The following TBC1D22A variants were observed in gnomAD, a reference collection of about 807,000 sequenced individuals.
TBC1D22A encodes putative GTPase activator.
A neutral mutation model predicts 60.2 loss-of-function variants in TBC1D22A; 38 were observed. The ratio of observed to expected loss-of-function variants is 0.63; its 90% CI spans 0.49 to 0.83. The LOEUF (loss-of-function observed/expected upper bound fraction) is 0.83, where lower values mean the gene tolerates loss of function less well. Among genes scored for constraint, TBC1D22A ranks in the 40% least tolerant of loss-of-function variants. TBC1D22A has a pLI of 0.00. For synonymous variants in TBC1D22A, 302 were observed against 281.7 expected (o/e 1.07, Z -0.72); for missense variants, 628 against 701.0 (o/e 0.90, Z 1.18).
chr22:46,823,961 A>G (rs1240600190), intron 4 of TBC1D22A, among the ~76,000 whole-genome samples: 1 of 152,234 alleles, frequency 6.6e-6, no homozygotes, highest in Non-Finnish European at 1.5e-5. Flanking sequence ...ACCCAGGGCG[A>G]CAGTGCCAGC....
intron 4 of TBC1D22A, among the ~76,000 whole-genome samples, chr22:46,864,669 T>A (rs9306518): frequency 0.4 from 61,083 of 152,058 alleles, 12,321 homozygotes; most frequent in Non-Finnish European, 0.41. Flanking sequence ...TTCAGAAAGT[T>A]AATTATTCCA....
chr22:47,147,629 G>A lies in TBC1D22A; in HGVS notation c.1426-25869G>A, dbSNP rs139079329. ...GCATTTGGCCTTCTTCCATCCATAC[G>A]TTGGTCGCACACAGAGCATTTGCGT... is the stretch of plus-strand genomic sequence containing the variant. On this transcript the variant is annotated intron_variant, in intron 12 of 12. Coordinates refer to ENST00000337137, the MANE Select transcript of TBC1D22A (RefSeq NM_014346.5). Among the ~76,000 whole-genome samples the A allele has an allele frequency of 5.3e-5, 8 of 152,338 alleles. No individual in the cohort carries two copies. The South Asian group carries it at 1.2e-3, about 24-fold the overall frequency.
At chr22:46,823,926 C>G (rs2085937239) in intron 4 of TBC1D22A, among the ~76,000 whole-genome samples, 1 of 152,178 alleles carries the variant, frequency 6.6e-6, no homozygotes, top group Admixed American at 6.5e-5. Flanking sequence ...TCAGATGATG[C>G]AGGACCATGG....
intron 9 of TBC1D22A, among the ~76,000 whole-genome samples, chr22:46,977,581 G>A (rs1031151893): frequency 1.3e-5 from 2 of 152,194 alleles, no homozygotes; most frequent in Admixed American, 6.5e-5. Context: ...CCCTGGAAAC[G>A]TTAGGTGATT....
At chr22:47,079,136 G>A (rs1206918188) in intron 11 of TBC1D22A, among the ~76,000 whole-genome samples, 1 of 146,232 alleles carries the variant, frequency 6.8e-6, no homozygotes, top group African/African-American at 2.5e-5. Flanking sequence ...ACCCAGGCTG[G>A]TGTGCAGTGG....
At chr22:46,888,405 A>G (rs2068227228) in intron 5 of TBC1D22A, among the ~76,000 whole-genome samples, 1 of 152,240 alleles carries the variant, frequency 6.6e-6, no homozygotes, top group South Asian at 2.1e-4. Context: ...AACACTTTCA[A>G]AGGCTAAAAG....
At chr22:47,021,093 C>T (rs972619273) in intron 10 of TBC1D22A, among the ~76,000 whole-genome samples, 1 of 152,198 alleles carries the variant, frequency 6.6e-6, no homozygotes, top group Non-Finnish European at 1.5e-5. Context: ...GATGAGGATG[C>T]AGGCCTGATG....
At chr22:46,941,508 T>TAC (rs1252306063) in intron 8 of TBC1D22A, among the ~76,000 whole-genome samples, 8 of 143,876 alleles carry the variant, frequency 5.6e-5, no homozygotes, top group African/African-American at 1.8e-4. Flanking sequence ...GGAATATATA[T>TAC]ACGGAATATA....
chr22:47,063,963 CTGCA>C (rs2063672503), intron 11 of TBC1D22A, among the ~76,000 whole-genome samples: 1 of 49,284 alleles, frequency 2.0e-5, no homozygotes, highest in Non-Finnish European at 3.5e-5. Flanking sequence ...CTCCTCTGAA[CTGCA>C]TCTTCAGGTG....
chr22:47,138,095 G>T (rs1040410073), intron 12 of TBC1D22A, among the ~76,000 whole-genome samples: 2 of 152,152 alleles, frequency 1.3e-5, no homozygotes, highest in Non-Finnish European at 2.9e-5. Context: ...CAGAGGCTCC[G>T]GCACTCATGG....
chr22:47,155,082 T>C (rs2067657578), intron 12 of TBC1D22A, among the ~76,000 whole-genome samples: 1 of 152,190 alleles, frequency 6.6e-6, no homozygotes, highest in African/African-American at 2.4e-5. Context: ...TGCAGTGTCC[T>C]CTGTGTGTTG....
chr22:46,883,038 G>A (rs1284862099), intron 5 of TBC1D22A, among the ~76,000 whole-genome samples: 2 of 152,216 alleles, frequency 1.3e-5, no homozygotes, highest in South Asian at 4.1e-4. Flanking sequence ...TTTTATGCAA[G>A]CAGGGTAGTA....
intron 8 of TBC1D22A, among the ~76,000 whole-genome samples, chr22:46,931,821 T>TTCTCCATTCCTGGCTGC (rs2071367949): frequency 6.6e-6 from 1 of 152,258 alleles, no homozygotes; most frequent in African/African-American, 2.4e-5. Flanking sequence ...TCGTGTAGTT[T>TTCTCCATTCCTGGCTGC]TCTCCATTCC....
intron 12 of TBC1D22A, among the ~76,000 whole-genome samples, chr22:47,171,750 TG>T (rs578197095): frequency 6.6e-6 from 1 of 152,004 alleles, no homozygotes; most frequent in African/African-American, 2.4e-5. Flanking sequence ...GCGGTGGTCG[TG>T]GGGGGTCCCC....
intron 3 of TBC1D22A, among the ~76,000 whole-genome samples, chr22:46,796,621 C>G (rs573286143): frequency 1.3e-5 from 2 of 152,078 alleles, no homozygotes; most frequent in South Asian, 4.2e-4. Context: ...AGGGTCTTCC[C>G]TTGGGCTGAC....
At chr22:47,055,590 G>A (rs1445537383) in intron 11 of TBC1D22A, among the ~76,000 whole-genome samples, 2 of 152,156 alleles carry the variant, frequency 1.3e-5, no homozygotes, top group African/African-American at 4.8e-5. Context: ...GGGGTAAGGT[G>A]CAGCCCCTGC....
At chr22:46,976,170 A>G (rs570819476) in intron 9 of TBC1D22A, among the ~76,000 whole-genome samples, 2 of 152,278 alleles carry the variant, frequency 1.3e-5, no homozygotes, top group East Asian at 1.9e-4. Context: ...TCTGCCCTCT[A>G]TTTGTAAATA....
chr22:47,174,535 T>G lies in TBC1D22A; in HGVS notation c.*909T>G, dbSNP rs1302669845. On this transcript the variant is annotated 3_prime_UTR_variant, in exon 13 of 13. Coordinates refer to ENST00000337137, the MANE Select transcript of TBC1D22A (RefSeq NM_014346.5). ...ACCGCAGCCTGGAAGCGGAATGAGC[T>G]TTTGGAGACTTCCTGGGACTTGCTG... The G allele has an allele frequency of 1.3e-5, 2 of 152,276 alleles. No homozygotes were observed. The highest frequency in any genetic ancestry group is 4.8e-5 in the African/African-American group (2 of 41,452). 9.4% of individuals were successfully genotyped at this position (152,276 alleles called of 1,614,324 possible). A position where few individuals can be genotyped will look rare whatever the true frequency, so the allele number is the denominator to read the frequency against.
At chr22:46,762,922 C>A in intron 1 of TBC1D22A, 74 bp downstream of exon 1, 1 of 1,367,018 alleles carries the variant, frequency 7.3e-7, no homozygotes, top group Non-Finnish European at 9.7e-7. Context: ...TCCTGGGCTG[C>A]GGGTGGAGTC....
Sources: allele counts gnomAD v4.1 joint callset (sites outside exome capture counted in the v4.1 genomes callset), GRCh38; gene constraint gnomAD v4.1.1; transcripts MANE v1.5; gene names NCBI Gene and HGNC (gene_info 2026-07-23, HGNC 2026-07-21).